EFCAB5: variants seen among roughly 807,000 people sequenced by gnomAD.
EFCAB5 encodes EF-hand calcium-binding domain-containing protein 5.
EFCAB5 carries 131 observed loss-of-function variants against 167.9 expected under a neutral mutation model. The ratio of observed to expected loss-of-function variants is 0.78; its 90% CI spans 0.68 to 0.90. The LOEUF is 0.90. EFCAB5 is among the 40% of genes least tolerant of loss of function. EFCAB5 has a pLI of 0.00. For missense variants in EFCAB5, 1,663 were observed against 1,745.2 expected, an observed-to-expected ratio of 0.95 and a Z score of 0.84; for synonymous variants, 574 against 602.8, an observed-to-expected ratio of 0.95 and a Z score of 0.70.
chr17:29,942,431 A>C, intron 2 of EFCAB5, 129 bp downstream of exon 2: 4 of 758,170 alleles, frequency 5.3e-6, no homozygotes, highest in Non-Finnish European at 7.9e-6. Flanking sequence ...AAAAGGACAA[A>C]CTCATGTTGA....
At chr17:30,072,047 T>C (rs888974529) in intron 14 of EFCAB5, among the ~76,000 whole-genome samples, 2 of 152,122 alleles carry the variant, frequency 1.3e-5, no homozygotes, top group Non-Finnish European at 1.5e-5. Flanking sequence ...CAAAAGTACA[T>C]CTAGATATGA....
chr17:29,972,675 T>A (rs986054497), intron 4 of EFCAB5: 6 of 181,042 alleles, frequency 3.3e-5, no homozygotes, highest in Non-Finnish European at 7.1e-5. Context: ...AGGGATGTGA[T>A]CCAGCGCTTT....
intron 18 of EFCAB5, among the ~76,000 whole-genome samples, chr17:30,086,459 G>C (rs1239347421): frequency 6.6e-6 from 1 of 152,108 alleles, no homozygotes; most frequent in African/African-American, 2.4e-5. Flanking sequence ...AGTGAAGAAA[G>C]TAAATTGGCC....
chr17:30,051,432 G>C (rs1301447067), intron 9 of EFCAB5, among the ~76,000 whole-genome samples: 1 of 152,038 alleles, frequency 6.6e-6, no homozygotes, highest in East Asian at 1.9e-4. Flanking sequence ...TTTCACCACA[G>C]TGCAATACTC....
Position 29,942,248 on chromosome 17 carries a change from A to G in EFCAB5, c.51A>G (p.Arg17=), listed in dbSNP as rs1169633668. Residue 17 remains arginine (R), a synonymous_variant, in exon 2 of 23, where the codon AGA becomes AGG. Transcript: ENST00000394835. ...CACTGTTTGCATTTCAGGAAAACAG[A>G]AAAGAAGACAAAGAGAGGAAATGGA... ...QEELRPAQEN[R]KEDKERKWNL... is the part of the protein sequence containing the mutation. 1.3e-6 allele frequency: 2 copies of G among 1,586,922 alleles called. No individual in the cohort carries two copies. The highest frequency in any genetic ancestry group is 1.7e-6 in the Non-Finnish European group (2 of 1,166,338).
chr17:30,099,639 GGTT>G (rs2071354017), intron 22 of EFCAB5, among the ~76,000 whole-genome samples: 1 of 152,136 alleles, frequency 6.6e-6, no homozygotes. Flanking sequence ...GTGAAATCTA[GGTT>G]GTTAAGTGCT....
chr17:30,016,289 G>T (rs1331750433), intron 7 of EFCAB5, among the ~76,000 whole-genome samples: 4 of 151,376 alleles, frequency 2.6e-5, no homozygotes, highest in Non-Finnish European at 5.9e-5. Flanking sequence ...TGTTGATTTT[G>T]CTTTTGATGT....
chr17:29,992,809 A>C (rs1306092498), intron 4 of EFCAB5, among the ~76,000 whole-genome samples: 1 of 152,230 alleles, frequency 6.6e-6, no homozygotes, highest in Non-Finnish European at 1.5e-5. Context: ...AATATCCAGA[A>C]GTGAGACTGC....
chr17:29,982,310 T>C (rs1485606120), intron 4 of EFCAB5, among the ~76,000 whole-genome samples: 4 of 152,008 alleles, frequency 2.6e-5, no homozygotes, highest in Non-Finnish European at 4.4e-5. Flanking sequence ...GGCAGAAGAA[T>C]CGCTTGAACC....
At chr17:29,965,626 G>GCAC (rs1409521580) in intron 3 of EFCAB5, among the ~76,000 whole-genome samples, 1 of 152,178 alleles carries the variant, frequency 6.6e-6, no homozygotes, top group East Asian at 1.9e-4. Context: ...AGTTGTCATG[G>GCAC]CACCGTTTGT....
chr17:29,965,487 C>T (rs1240206264), intron 3 of EFCAB5, among the ~76,000 whole-genome samples: 2 of 152,032 alleles, frequency 1.3e-5, no homozygotes. Context: ...GCCATGTGCA[C>T]TTGAGAAAAA....
chr17:29,935,282 G>A (rs1489491641), intron 1 of EFCAB5, among the ~76,000 whole-genome samples: 1 of 152,124 alleles, frequency 6.6e-6, no homozygotes, highest in Non-Finnish European at 1.5e-5. Context: ...GCTTGGGTGG[G>A]GTGTGGTGCC....
rs374046371 is a variant in EFCAB5 at position 29,946,372 on chromosome 17, C to T, written c.190+2723C>T. On this transcript the variant is annotated intron_variant, in intron 3 of 22. Coordinates refer to ENST00000394835, the MANE Select transcript of EFCAB5 (RefSeq NM_198529.4). Reference sequence around the variant, plus strand: ...ATATGGTGAAAAGCTAATGCTTGTACACTGCTGGTGGGAATGTAAATTAGT... The same window carrying T: ...ATATGGTGAAAAGCTAATGCTTGTATACTGCTGGTGGGAATGTAAATTAGT... Among the ~76,000 whole-genome samples the T allele has an allele frequency of 3.1e-4, 47 of 150,034 alleles. 1 individual carries two copies. In the South Asian group the frequency reaches 9.5e-3, roughly 30 times the overall value.
chr17:30,074,494 TC>T (rs2070828869), intron 14 of EFCAB5: 1 of 152,194 alleles, frequency 6.6e-6, no homozygotes, highest in Non-Finnish European at 1.5e-5. Context: ...GCAATTTGCT[TC>T]TTTTTATTGC....
rs1339692931 is a variant in EFCAB5, at chr17:29,941,787, TG to T, written c.-8del. On this transcript the variant is annotated 5_prime_UTR_variant, in exon 1 of 23. Coordinates refer to ENST00000394835, the MANE Select transcript of EFCAB5 (RefSeq NM_198529.4). ...TTCTATACCATTTGGTGATAACTTT[TG>T]GAGTCCAAATGAATGAGTCAGCATC... is the stretch of plus-strand genomic sequence containing the variant. 6.2e-7 allele frequency: 1 copy of T among 1,602,042 alleles called. No individual in the cohort carries two copies. The highest frequency in any genetic ancestry group is 1.3e-5 in the African/African-American group (1 of 74,800).
intron 7 of EFCAB5, among the ~76,000 whole-genome samples, chr17:30,027,036 G>A (rs2069344930): frequency 7.7e-6 from 1 of 129,328 alleles, no homozygotes. Context: ...GCCCAGGCTG[G>A]AGTGCAGTGG....
chr17:30,079,039 C>G (rs558844353), intron 15 of EFCAB5, among the ~76,000 whole-genome samples: 1 of 152,342 alleles, frequency 6.6e-6, no homozygotes, highest in East Asian at 1.9e-4. Context: ...GCCTTGCCAC[C>G]TCCTCAGAGA....
intron 8 of EFCAB5, among the ~76,000 whole-genome samples, chr17:30,036,497 A>T (rs1182594332): frequency 6.6e-6 from 1 of 151,168 alleles, no homozygotes; most frequent in African/African-American, 2.4e-5. Flanking sequence ...CGGCATCATC[A>T]TACCTCACTA....
At chr17:30,033,980 A>G (rs564712632) in intron 7 of EFCAB5, among the ~76,000 whole-genome samples, 1 of 152,352 alleles carries the variant, frequency 6.6e-6, no homozygotes, top group Admixed American at 6.5e-5. Context: ...TTGATGTGAT[A>G]TAGAGGGAAA....
Sources: allele counts gnomAD v4.1 joint callset (sites outside exome capture counted in the v4.1 genomes callset), GRCh38; gene constraint gnomAD v4.1.1; transcripts MANE v1.5; gene names NCBI Gene and HGNC (gene_info 2026-07-23, HGNC 2026-07-21).